Variants in DNAH12 observed in about 807,000 individuals in gnomAD.
DNAH12 encodes dynein axonemal heavy chain 12, also known as axonemal beta dynein heavy chain 12.
A neutral mutation model predicts 371.5 loss-of-function variants in DNAH12; 285 were observed. The observed-to-expected ratio is 0.77, with a 90% CI of 0.70 to 0.85. The LOEUF (loss-of-function observed/expected upper bound fraction) is 0.85, where lower values mean the gene tolerates loss of function less well. Ranked by LOEUF, DNAH12 falls within the 40% of genes least tolerant of loss-of-function variation. The probability of loss-of-function intolerance (pLI) is 0.00; values close to 1 mark genes in which losing one functional copy is unlikely to be tolerated. For missense variants in DNAH12, 3,611 were observed against 3,689.4 expected, an observed-to-expected ratio of 0.98 and a Z score of 0.55; for synonymous variants, 1,200 against 1,213.0, an observed-to-expected ratio of 0.99 and a Z score of 0.22.
upstream of DNAH12, among the ~76,000 whole-genome samples, chr3:57,545,401 C>T (rs149549175): frequency 4.7e-3 from 718 of 151,700 alleles, 4 homozygotes; most frequent in African/African-American, 0.016. Context: ...TCAGGTCATC[C>T]GCCCACCTCG....
Position 57,520,450 on chromosome 3 carries a change from A to T in DNAH12, c.279+3133T>A, listed in dbSNP as rs572899736. ...TTTTATTATTTTATTTATTATTATT[A>T]TTTTTTTTTTGAGACGGAGTCTTGC... On this transcript the variant is annotated intron_variant, in intron 4 of 73. Transcript: ENST00000495027. 1.7e-3 allele frequency among the ~76,000 whole-genome samples: 238 copies of T among 141,872 alleles called. 2 individuals carry two copies. Among genetic ancestry groups the T allele is most frequent in the East Asian group, 0.016 (77 of 4,770 alleles). 93.1% of individuals were successfully genotyped at this position (141,872 alleles called of 152,430 possible).
At chr3:57,301,601 C>A (rs1341640696) in intron 70 of DNAH12, 134 bp downstream of exon 70, 5 of 1,012,754 alleles carry the variant, frequency 4.9e-6, no homozygotes, top group East Asian at 2.6e-5. Flanking sequence ...CAGCCAACAA[C>A]TAATATCTCC....
At chr3:57,520,070 C>A in intron 4 of DNAH12, 1 of 496,704 alleles carries the variant, frequency 2.0e-6, no homozygotes, top group Non-Finnish European at 3.4e-6. Flanking sequence ...GCTGTGGCGG[C>A]TCTGTGGCTA....
chr3:57,401,875 C>CA (rs1553678871), intron 43 of DNAH12, among the ~76,000 whole-genome samples: 2 of 151,972 alleles, frequency 1.3e-5, no homozygotes, highest in Non-Finnish European at 2.9e-5. Context: ...AATTGTATGC[C>CA]AATAAATTGG....
chr3:57,554,564 C>G, the DNAH12 span, among the ~76,000 whole-genome samples: 2 of 152,136 alleles, frequency 1.3e-5, no homozygotes, highest in African/African-American at 4.8e-5. Context: ...ACTCATCACA[C>G]TGGACCTCTT....
At chr3:57,482,747 A>G (rs1319781177) in intron 13 of DNAH12, among the ~76,000 whole-genome samples, 5 of 152,176 alleles carry the variant, frequency 3.3e-5, no homozygotes, top group African/African-American at 1.2e-4. Flanking sequence ...CAGCCATAAA[A>G]AAGGATGAGT....
chr3:57,467,497 G>T (rs1374894286), intron 17 of DNAH12, among the ~76,000 whole-genome samples: 5 of 152,088 alleles, frequency 3.3e-5, no homozygotes, highest in Non-Finnish European at 7.4e-5. Flanking sequence ...TAAGCATTTT[G>T]CAAATGCTAA....
intron 62 of DNAH12, among the ~76,000 whole-genome samples, chr3:57,327,384 T>C: frequency 6.6e-6 from 1 of 151,928 alleles, no homozygotes; most frequent in African/African-American, 2.4e-5. Flanking sequence ...GCAATCAAAC[T>C]AGAACTCAGG....
At chr3:57,346,987 CAG>C (rs1553658252) in intron 60 of DNAH12, among the ~76,000 whole-genome samples, 1 of 152,092 alleles carries the variant, frequency 6.6e-6, no homozygotes, top group Non-Finnish European at 1.5e-5. Flanking sequence ...CCTTCTAAAA[CAG>C]AAAGCACCAA....
Position 57,301,774 on chromosome 3 carries a change from A to G in DNAH12, c.11355T>C (p.Ser3785=). The G allele has an allele frequency of 1.9e-6, 3 of 1,551,110 alleles. No homozygotes were observed. The highest frequency in any genetic ancestry group is 2.6e-6 in the Non-Finnish European group (3 of 1,146,910). The stretch of plus-strand genomic sequence containing the variant: ...ACCGGGCTAGGAAATCTGTGATGTA[A>G]CTTCCCAGGGGCTTAAGGCTTGGGT... ...RSYPSLKPLG[S]YITDFLARLN... Residue 3785 remains serine, a synonymous_variant, in exon 70 of 74, where the codon AGT becomes AGC. Transcript: ENST00000495027.
chr3:57,471,238 C>G (rs532411891), intron 15 of DNAH12, among the ~76,000 whole-genome samples: 26 of 151,278 alleles, frequency 1.7e-4, no homozygotes, highest in Non-Finnish European at 3.8e-4. Flanking sequence ...CCTGTTAGTC[C>G]CAGCTACTCA....
At chr3:57,435,373 C>CCA (rs1553691248) in intron 30 of DNAH12, among the ~76,000 whole-genome samples, 2 of 94,744 alleles carry the variant, frequency 2.1e-5, no homozygotes, top group African/African-American at 4.0e-5. Context: ...CTCTGTCTCC[C>CCA]AAAAAAAAAA....
At chr3:57,453,117 A>T in intron 24 of DNAH12, 102 bp from the exon 25 acceptor site, 1 of 1,459,326 alleles carries the variant, frequency 6.9e-7, no homozygotes, top group Non-Finnish European at 9.1e-7. Flanking sequence ...AAAATAATTC[A>T]TGTTTGCCAA....
At chr3:57,373,565 C>G (rs2063222045) in intron 55 of DNAH12, among the ~76,000 whole-genome samples, 1 of 150,846 alleles carries the variant, frequency 6.6e-6, no homozygotes, top group African/African-American at 2.4e-5. Context: ...ACCTTGTGAT[C>G]TGCCTGCCTC....
intron 15 of DNAH12, 32 bp downstream of exon 15, chr3:57,471,440 G>A (rs2066364774): frequency 1.3e-6 from 2 of 1,505,678 alleles, no homozygotes; most frequent in Non-Finnish European, 1.8e-6. Flanking sequence ...CTATGGGCTG[G>A]CCATAGCTAT....
At chr3:57,553,161 G>A in the DNAH12 span, among the ~76,000 whole-genome samples, 1 of 152,170 alleles carries the variant, frequency 6.6e-6, no homozygotes, top group African/African-American at 2.4e-5. Flanking sequence ...TGGGCAAAAG[G>A]AGTGAAACTC....
At chr3:57,370,881 A>T (rs1404450468) in intron 55 of DNAH12, among the ~76,000 whole-genome samples, 5 of 152,246 alleles carry the variant, frequency 3.3e-5, no homozygotes, top group South Asian at 4.2e-4. Flanking sequence ...GCTGGAACTG[A>T]GACCTTTGCA....
Position 57,322,326 on chromosome 3 carries a change from C to T in DNAH12, c.10524+17G>A. 1 of 1,537,196 alleles carries T rather than the reference C, an allele frequency of 6.5e-7. No individual in the cohort carries two copies. Among genetic ancestry groups the T allele is most frequent in the Non-Finnish European group, 8.8e-7 (1 of 1,140,266 alleles). ...ACTATAAAACACATTTTAAAAGTTC[C>T]AAAAGATGAATATTACCAGTTCCTT... On this transcript the variant is annotated intron_variant, in intron 65 of 73. Transcript: ENST00000495027.
Position 57,369,219 on chromosome 3 carries a change from TAA to T in DNAH12, c.8760-961_8760-960del, listed in dbSNP as rs1169309910. ...TGGGCAACAAAGATTGAAACTCCAT[TAA>T]AAAAAAAATATATATATATATATAT... is the stretch of plus-strand genomic sequence containing the variant. On this transcript the variant is annotated intron_variant, in intron 55 of 73. Transcript: ENST00000495027. 5.6e-4 allele frequency among the ~76,000 whole-genome samples: 70 copies of T among 126,018 alleles called. 2 individuals are homozygous for T. In the East Asian group the frequency reaches 0.014, roughly 26 times the overall value. The allele number at this position is 126,018 out of a possible 152,430, so 82.7% of individuals were successfully genotyped here. A position where few individuals can be genotyped will look rare whatever the true frequency, so the allele number is the denominator to read the frequency against.
Sources: allele counts gnomAD v4.1 joint callset (sites outside exome capture counted in the v4.1 genomes callset), GRCh38; gene constraint gnomAD v4.1.1; transcripts MANE v1.5; gene names NCBI Gene and HGNC (gene_info 2026-07-23, HGNC 2026-07-21).